Variants in SEMA5A observed in about 807,000 individuals in gnomAD.
SEMA5A encodes semaphorin-5A.
Under a neutral mutation model 135.5 loss-of-function variants are expected in SEMA5A, and 55 were observed. The observed-to-expected ratio is 0.41, with a 90% CI of 0.33 to 0.51. The LOEUF is 0.51. Ranked by LOEUF, SEMA5A falls within the 20% of genes least tolerant of loss-of-function variation. The pLI is 0.37. For synonymous variants in SEMA5A, 580 were observed against 546.5 expected (o/e 1.06, Z -0.85); for missense variants, 1,290 against 1,419.9 (o/e 0.91, Z 1.47).
chr5:9,172,483 C>G (rs1206161618), intron 11 of SEMA5A, among the ~76,000 whole-genome samples: 1 of 152,158 alleles, frequency 6.6e-6, no homozygotes, highest in Non-Finnish European at 1.5e-5. Flanking sequence ...GAAGTTTCTA[C>G]TCTGACAATT....
At chr5:9,205,016 C>T (rs759664454) in intron 8 of SEMA5A, among the ~76,000 whole-genome samples, 2 of 152,136 alleles carry the variant, frequency 1.3e-5, no homozygotes, top group Non-Finnish European at 2.9e-5. Context: ...TTATGGAAGA[C>T]TTATCTTCCA....
chr5:9,060,231 A>G (rs1737110874), intron 18 of SEMA5A, among the ~76,000 whole-genome samples: 2 of 152,226 alleles, frequency 1.3e-5, no homozygotes, highest in South Asian at 4.1e-4. Flanking sequence ...GGGTTATTTC[A>G]ACATATTAAA....
At chr5:9,118,292 A>C (rs1217188023) in intron 15 of SEMA5A, among the ~76,000 whole-genome samples, 1 of 152,218 alleles carries the variant, frequency 6.6e-6, no homozygotes, top group Non-Finnish European at 1.5e-5. Context: ...AATTAGAATA[A>C]ACATTAATAG....
chr5:9,124,361 A>G (rs1360966351), intron 13 of SEMA5A, among the ~76,000 whole-genome samples: 1 of 152,212 alleles, frequency 6.6e-6, no homozygotes, highest in East Asian at 1.9e-4. Context: ...GGAGAGACTC[A>G]TGGGGCACAG....
At chr5:9,207,884 G>GATAC (rs755464842) in intron 8 of SEMA5A, among the ~76,000 whole-genome samples, 3 of 44,236 alleles carry the variant, frequency 6.8e-5, no homozygotes, top group Admixed American at 2.2e-4. Context: ...TAGATAGATA[G>GATAC]ATAGATAGAT....
At chr5:9,455,078 A>C (rs1212967232) in intron 1 of SEMA5A, among the ~76,000 whole-genome samples, 4 of 152,138 alleles carry the variant, frequency 2.6e-5, no homozygotes, top group Non-Finnish European at 5.9e-5. Flanking sequence ...CAAACTCAAG[A>C]GTTACAAATA....
chr5:9,214,007 A>G (rs1353816096), intron 8 of SEMA5A, among the ~76,000 whole-genome samples: 1 of 152,212 alleles, frequency 6.6e-6, no homozygotes, highest in Admixed American at 6.5e-5. Context: ...AGTGTGAGAA[A>G]GGGATGGAAC....
intron 16 of SEMA5A, among the ~76,000 whole-genome samples, chr5:9,091,124 C>T (rs1405014255): frequency 6.6e-6 from 1 of 152,178 alleles, no homozygotes; most frequent in African/African-American, 2.4e-5. Context: ...ACTCAGAGGC[C>T]TCTGCTACAC....
At chr5:9,123,080 C>T (rs369158174) in intron 13 of SEMA5A, among the ~76,000 whole-genome samples, 48 of 151,314 alleles carry the variant, frequency 3.2e-4, no homozygotes, top group African/African-American at 1.1e-3. Flanking sequence ...CGGTGAAACC[C>T]CGTCTCCACT....
intron 11 of SEMA5A, among the ~76,000 whole-genome samples, chr5:9,185,533 T>C (rs2150337618): frequency 6.6e-6 from 1 of 152,334 alleles, no homozygotes; most frequent in African/African-American, 2.4e-5. Context: ...TGTTTATGAA[T>C]TATCCTCTAA....
chr5:9,271,271 G>C (rs1749960129), intron 5 of SEMA5A, among the ~76,000 whole-genome samples: 1 of 152,110 alleles, frequency 6.6e-6, no homozygotes, highest in Non-Finnish European at 1.5e-5. Context: ...AGGCCTCCAG[G>C]CCATGCTTCC....
chr5:9,435,877 G>C (rs1053820231), intron 2 of SEMA5A, among the ~76,000 whole-genome samples: 2 of 152,144 alleles, frequency 1.3e-5, no homozygotes, highest in African/African-American at 4.8e-5. Flanking sequence ...TTAGATTACT[G>C]TTTGAAAAAC....
chr5:9,403,255 T>C (rs551822906), intron 2 of SEMA5A, among the ~76,000 whole-genome samples: 9 of 152,208 alleles, frequency 5.9e-5, no homozygotes, highest in Non-Finnish European at 1.3e-4. Context: ...TTTATGAATT[T>C]AACTCCCCAA....
intron 3 of SEMA5A, among the ~76,000 whole-genome samples, chr5:9,360,055 C>T (rs1032648872): frequency 3.3e-5 from 5 of 152,182 alleles, no homozygotes. Flanking sequence ...AGAATTTCAA[C>T]TGTGACATTA....
At chr5:9,238,166 A>G in intron 5 of SEMA5A, among the ~76,000 whole-genome samples, 1 of 152,272 alleles carries the variant, frequency 6.6e-6, no homozygotes, top group Non-Finnish European at 1.5e-5. Flanking sequence ...AGAAAGGAAC[A>G]ATGAGTTGGT....
intron 11 of SEMA5A, among the ~76,000 whole-genome samples, chr5:9,167,837 C>G (rs114781711): frequency 1.3e-5 from 2 of 152,090 alleles, no homozygotes; most frequent in African/African-American, 4.8e-5. Context: ...TCATGACCAC[C>G]GTCATGCTCT....
At chr5:9,083,436 C>T (rs10050942) in intron 16 of SEMA5A, among the ~76,000 whole-genome samples, 110,696 of 152,186 alleles carry the variant, frequency 0.73, 41,166 homozygotes, top group East Asian at 0.95. Flanking sequence ...ATATTTCCTG[C>T]CAGAACTTAT....
At chr5:9,154,070 T>A (rs1242122621) in intron 12 of SEMA5A, among the ~76,000 whole-genome samples, 941 of 53,478 alleles carry the variant, frequency 0.018, 41 homozygotes, top group African/African-American at 0.043. Flanking sequence ...AAAATATATA[T>A]ATATATATAT....
At chr5:9,182,143 G>A (rs1441630067) in intron 11 of SEMA5A, among the ~76,000 whole-genome samples, 1 of 138,060 alleles carries the variant, frequency 7.2e-6, no homozygotes, top group Non-Finnish European at 1.5e-5. Flanking sequence ...TTGTTTTATT[G>A]CTTCTGCCCC....
Sources: allele counts gnomAD v4.1 joint callset (sites outside exome capture counted in the v4.1 genomes callset), GRCh38; gene constraint gnomAD v4.1.1; transcripts MANE v1.5; gene names NCBI Gene and HGNC (gene_info 2026-07-23, HGNC 2026-07-21).